ECI2: variants seen among roughly 807,000 people sequenced by gnomAD.
ECI2 encodes the protein enoyl-CoA delta isomerase 2.
Under a neutral mutation model 38.4 loss-of-function variants are expected in ECI2, and 27 were observed. The observed-to-expected ratio is 0.70, with a 90% CI of 0.52 to 0.97. ECI2 has a LOEUF of 0.97. Ranked by LOEUF, ECI2 falls within the 50% of genes least tolerant of loss-of-function variation. ECI2 has a pLI of 0.00. For missense variants in ECI2, 470 were observed against 474.4 expected, an observed-to-expected ratio of 0.99 and a Z score of 0.09; for synonymous variants, 168 against 172.0, an observed-to-expected ratio of 0.98 and a Z score of 0.18.
intron 1 of ECI2, chr6:4,135,083 A>G (rs1449025416): frequency 2.1e-6 from 1 of 467,086 alleles, no homozygotes; most frequent in Admixed American, 2.3e-5. Flanking sequence ...CAGAGTGTTA[A>G]GTCCACACGA....
At position 4,116,008 on chromosome 6, in the gene ECI2, CCT is replaced by C. The variant is rs2113961085; in HGVS notation, c.1049_1050del (p.Glu350GlyfsTer14). On this transcript the variant is annotated frameshift_variant, in exon 10 of 10. Coordinates refer to ENST00000380118, the MANE Select transcript of ECI2 (RefSeq NM_206836.3). LOFTEE classifies it low-confidence loss of function (END_TRUNC). Reference protein sequence around the residue: ...LPPNALRISKEVIRKREREKL... With the variant: ...LPPNALRISKXVIRKREREKL... ...TTTTCTCTCTCTCTTTTCCTGATTA[CCT>C]CTTTTGAAATTCTCAAGGCCTGGAA... 1.2e-6 allele frequency: 2 copies of C among 1,613,428 alleles called. No homozygotes were observed. The highest frequency in any genetic ancestry group is 4.5e-5 in the East Asian group (2 of 44,872).
At chr6:4,135,340 G>C (rs1773674331) in intron 1 of ECI2, 171 bp downstream of exon 1, 5 of 1,470,284 alleles carry the variant, frequency 3.4e-6, no homozygotes, top group Non-Finnish European at 2.7e-6. Flanking sequence ...GCAGGAGGGC[G>C]CGCGTGAGGT....
At chr6:4,121,490 C>A (rs2113976415) in intron 7 of ECI2, among the ~76,000 whole-genome samples, 1 of 152,100 alleles carries the variant, frequency 6.6e-6, no homozygotes, top group East Asian at 1.9e-4. Flanking sequence ...TCACCATTGC[C>A]CATTTTTATT....
chr6:4,133,859 A>G (rs1205357432), intron 1 of ECI2, 148 bp from the exon 2 acceptor site: 5 of 907,478 alleles, frequency 5.5e-6, no homozygotes, highest in Non-Finnish European at 1.5e-6. Flanking sequence ...CTGGCTGCAA[A>G]TAATTGGCTG....
At chr6:4,127,149 T>C (rs983519368) in intron 5 of ECI2, among the ~76,000 whole-genome samples, 16 of 152,218 alleles carry the variant, frequency 1.1e-4, no homozygotes, top group African/African-American at 2.7e-4. Context: ...ATTTATTCCA[T>C]TTTATAGCTG....
intron 7 of ECI2, among the ~76,000 whole-genome samples, chr6:4,121,560 CT>C (rs1321653953): frequency 6.6e-6 from 1 of 151,972 alleles, no homozygotes; most frequent in Non-Finnish European, 1.5e-5. Context: ...GAGAGATCAG[CT>C]TTTGTTACAT....
chr6:4,125,397 T>C, intron 6 of ECI2, 27 bp from the exon 7 acceptor site: 2 of 1,613,206 alleles, frequency 1.2e-6, no homozygotes, highest in South Asian at 2.2e-5. Context: ...ACAAAATCAT[T>C]AAATGTGCCA....
chr6:4,128,979 A>G (rs1773351171), intron 4 of ECI2, among the ~76,000 whole-genome samples: 1 of 152,170 alleles, frequency 6.6e-6, no homozygotes, highest in South Asian at 2.1e-4. Flanking sequence ...TATAGTTATG[A>G]TAACACCACA....
chr6:4,132,955 G>C (rs1773563962), intron 2 of ECI2, among the ~76,000 whole-genome samples: 1 of 152,126 alleles, frequency 6.6e-6, no homozygotes, highest in African/African-American at 2.4e-5. Context: ...GTAGAGATGA[G>C]GTTTCACCAT....
chr6:4,121,801 A>C (rs1772790884), intron 7 of ECI2: 1 of 362,098 alleles, frequency 2.8e-6, no homozygotes, highest in South Asian at 1.4e-4. Flanking sequence ...TTTAGATTTC[A>C]TTTCCTATAA....
In ECI2 at chr6:4,125,180, T is replaced by C. The variant is rs904435227; in HGVS notation, c.795+70A>G. 6 of 1,588,110 alleles carry C rather than the reference T, an allele frequency of 3.8e-6. No individual in the cohort carries two copies. In the African/African-American group the frequency reaches 6.7e-5, roughly 18 times the overall value. ...GTAACCTGCTTATGACTGGCAACGC[T>C]GAAGGAGGATTCAAAGGCTCTCATC... On this transcript the variant is annotated intron_variant, in intron 7 of 9. Coordinates refer to ENST00000380118, the MANE Select transcript of ECI2 (RefSeq NM_206836.3).
rs142875686 is a variant in ECI2, at chr6:4,117,400, C to G, written c.937G>C (p.Ala313Pro). 6.8e-6 allele frequency: 11 copies of G among 1,614,052 alleles called. No individual in the cohort carries two copies. In the African/African-American group the frequency reaches 1.3e-4, roughly 20 times the overall value. ...AAAACTTCAGTAACAAGTCCTTGAGCACATGCCTCTCCCGCTGTTAACTTC... is the reference window on the plus strand; with the variant it reads ...AAAACTTCAGTAACAAGTCCTTGAGGACATGCCTCTCCCGCTGTTAACTTC... ...GKKLTAGEAC[A>P]QGLVTEVFPD... The change falls in exon 9 of 10, where the codon GCT becomes CCT. Residue 313 changes from alanine (A) to proline (P), a missense_variant. Physicochemically the swap from Ala to Pro is conservative, Grantham distance 27. Coordinates refer to ENST00000380118, the MANE Select transcript of ECI2 (RefSeq NM_206836.3).
At position 4,119,190 on chromosome 6, in the gene ECI2, G is replaced by A. The variant is rs776485885; in HGVS notation, c.881C>T (p.Ala294Val). The change falls in exon 8 of 10, where the codon GCC becomes GTC. Residue 294 changes from alanine (A) to valine (V), a missense_variant. By Grantham distance (64) the Ala-to-Val change is moderately conservative. Transcript: ENST00000380118. ...SYTFPKIMSP[A>V]KATEMLIFGK... ...TTTAAACATTCCAAAAGTTACCTTG[G>A]CTGGGCTCATTATCTTCGGAAAAGT... 1 of 1,611,794 alleles carries A rather than the reference G, an allele frequency of 6.2e-7. No homozygotes were observed. The highest frequency in any genetic ancestry group is 1.1e-5 in the South Asian group (1 of 90,478).
At chr6:4,124,827 G>T in intron 7 of ECI2, 1 of 268,372 alleles carries the variant, frequency 3.7e-6, no homozygotes, top group Non-Finnish European at 7.7e-6. Flanking sequence ...AAAGGAGGGA[G>T]TGACAGTAGA....
rs1231359464 is a variant in ECI2, at chr6:4,127,678, T to C, written c.571+84A>G. 17 of 1,446,210 alleles carry C rather than the reference T, an allele frequency of 1.2e-5. No homozygotes were observed. In the East Asian group the frequency reaches 3.8e-4, roughly 32 times the overall value. The allele number at this position is 1,446,210 out of a possible 1,614,324, so 89.6% of individuals were successfully genotyped here. ...GCCACCTGCCTCGGCCTCCAGGTCT[T>C]AGAGCTTTTTAACTCAATTTCCTAT... On this transcript the variant is annotated intron_variant, in intron 5 of 9. Coordinates refer to ENST00000380118, the MANE Select transcript of ECI2 (RefSeq NM_206836.3).
intron 1 of ECI2, 52 bp from the exon 2 acceptor site, chr6:4,133,763 A>T: frequency 6.5e-7 from 1 of 1,536,950 alleles, no homozygotes; most frequent in African/African-American, 1.4e-5. Context: ...ACATTTCTGC[A>T]GCCTGATTTC....
intron 9 of ECI2, 89 bp downstream of exon 9, chr6:4,117,219 C>A: frequency 6.8e-7 from 1 of 1,480,038 alleles, no homozygotes. Flanking sequence ...GTGTCTTGTG[C>A]TTTTTATGAC....
At chr6:4,122,152 C>T (rs1044978625) in intron 7 of ECI2, 7 of 548,630 alleles carry the variant, frequency 1.3e-5, no homozygotes, top group Admixed American at 3.7e-5. Context: ...TACTTAGGGA[C>T]GTTGGGAAAG....
At position 4,133,670 on chromosome 6, in the gene ECI2, AT is replaced by A; in HGVS notation, c.91del (p.Met31Ter). ...ACTGGCTCTCATTGCTGTTCTATTCATGTGCAGCTGAACTACCGGGAAACTA... is the reference window on the plus strand; with the variant it reads ...ACTGGCTCTCATTGCTGTTCTATTCAGTGCAGCTGAACTACCGGGAAACTA... ...VTSFPVVQLH[M>X]NRTAMRASQK... On this transcript the variant is annotated frameshift_variant, in exon 2 of 10. Transcript: ENST00000380118. LOFTEE classifies it high-confidence loss of function. 6.2e-7 allele frequency: 1 copy of A among 1,613,218 alleles called. No homozygotes were observed. Among genetic ancestry groups the A allele is most frequent in the East Asian group, 2.2e-5 (1 of 44,856 alleles).
Sources: gnomAD v4.1 joint callset for allele counts (sites outside exome capture counted in the v4.1 genomes callset) on GRCh38, gnomAD v4.1.1 for gene constraint, MANE v1.5 for transcripts, NCBI Gene and HGNC (gene_info 2026-07-23, HGNC 2026-07-21) for gene names.